Variants in LPA observed in about 807,000 individuals in gnomAD.
LPA encodes the protein apolipoprotein(a).
A neutral mutation model predicts 197.9 loss-of-function variants in LPA; 199 were observed. The ratio of observed to expected loss-of-function variants is 1.01; its 90% confidence interval spans 0.90 to 1.13. LPA has a LOEUF of 1.13. LPA is among the 50% of genes most tolerant of loss of function. LPA has a pLI of 0.00. For synonymous variants in LPA, 715 were observed against 639.5 expected (o/e 1.12, Z -1.78); for missense variants, 1,853 against 1,785.8 (o/e 1.04, Z -0.68).
intron 30 of LPA, among the ~76,000 whole-genome samples, chr6:160,549,379 G>C (rs189795087): frequency 6.6e-6 from 1 of 152,114 alleles, no homozygotes; most frequent in Admixed American, 6.5e-5. Flanking sequence ...TAGAGGAACC[G>C]GTATACGGAT....
intron 24 of LPA, among the ~76,000 whole-genome samples, chr6:160,587,597 T>C (rs978795622): frequency 1.2e-4 from 19 of 152,190 alleles, no homozygotes; most frequent in African/African-American, 4.3e-4. Context: ...TTGTTTTCTG[T>C]ATATTTGGCG....
At chr6:160,605,696 T>A (rs1335543453) in intron 17 of LPA, among the ~76,000 whole-genome samples, 1 of 152,098 alleles carries the variant, frequency 6.6e-6, no homozygotes, top group African/African-American at 2.4e-5. Context: ...GTCTTCAGCT[T>A]CTGGGCCATG....
intron 18 of LPA, 41 bp from the exon 19 acceptor site, chr6:160,601,139 C>A: frequency 1.3e-6 from 2 of 1,582,072 alleles, no homozygotes; most frequent in Non-Finnish European, 1.7e-6. Context: ...AAAATGGGTA[C>A]ATATGCAGGA....
At chr6:160,658,212 T>C (rs1489859116) in intron 1 of LPA, among the ~76,000 whole-genome samples, 1 of 152,200 alleles carries the variant, frequency 6.6e-6, no homozygotes, top group Non-Finnish European at 1.5e-5. Context: ...CTCAGTGTCC[T>C]CAGCTTCATC....
chr6:160,551,099 T>C (rs957836463), intron 30 of LPA, among the ~76,000 whole-genome samples: 11 of 152,222 alleles, frequency 7.2e-5, no homozygotes, highest in African/African-American at 2.2e-4. Context: ...TTTATTGAAC[T>C]TTTGGAGAAA....
chr6:160,595,774 A>G (rs1779121118), intron 20 of LPA, among the ~76,000 whole-genome samples: 1 of 152,232 alleles, frequency 6.6e-6, no homozygotes, highest in African/African-American at 2.4e-5. Context: ...GAAAATTGAG[A>G]GTAAACATCA....
intron 2 of LPA, among the ~76,000 whole-genome samples, chr6:160,647,540 C>A (rs976338282): frequency 6.6e-6 from 1 of 152,190 alleles, no homozygotes; most frequent in African/African-American, 2.4e-5. Context: ...AGAGCCAGAG[C>A]TCTTTAAAGA....
At chr6:160,540,505 C>T (rs1261724210) in intron 35 of LPA, among the ~76,000 whole-genome samples, 1 of 152,140 alleles carries the variant, frequency 6.6e-6, no homozygotes, top group Non-Finnish European at 1.5e-5. Context: ...TGGCTTGGGC[C>T]ACATCTTCAT....
chr6:160,647,053 C>A (rs764499485), intron 2 of LPA, among the ~76,000 whole-genome samples: 7 of 152,186 alleles, frequency 4.6e-5, no homozygotes, highest in Non-Finnish European at 1.0e-4. Context: ...CAAAGCTGCC[C>A]TGGAAAACTT....
chr6:160,576,353 T>TAC (rs1778662978), intron 28 of LPA, among the ~76,000 whole-genome samples: 1 of 38,774 alleles, frequency 2.6e-5, no homozygotes, highest in African/African-American at 1.5e-4. Flanking sequence ...TATATATATA[T>TAC]ATATATATAT....
intron 19 of LPA, among the ~76,000 whole-genome samples, chr6:160,600,648 T>C (rs1473103986): frequency 6.6e-6 from 1 of 152,006 alleles, no homozygotes; most frequent in Non-Finnish European, 1.5e-5. Flanking sequence ...TCTAGGACAA[T>C]GAGATAGCCC....
rs761118079 is a variant in LPA, at chr6:160,595,397, G to A, written c.3426C>T (p.Leu1142=). ...LVTESSVLAT[L]TVVPDPSTEA... Reference sequence around the variant, plus strand: ...CTGTGCTTGGATCTGGGACCACCGTGAGAGTTGCAAGGACACTTGATTCTG... The same window carrying A: ...CTGTGCTTGGATCTGGGACCACCGTAAGAGTTGCAAGGACACTTGATTCTG... The change falls in exon 21 of 39, where the codon CTC becomes CTT. Residue 1142 remains leucine, a synonymous_variant. Transcript: ENST00000316300. 1.9e-6 allele frequency: 3 copies of A among 1,613,776 alleles called. No individual in the cohort carries two copies. The highest frequency in any genetic ancestry group is 2.5e-6 in the Non-Finnish European group (3 of 1,179,936).
At chr6:160,593,853 A>T in intron 22 of LPA, 105 bp downstream of exon 22, 1 of 1,391,740 alleles carries the variant, frequency 7.2e-7, no homozygotes, top group Admixed American at 1.7e-5. Context: ...CCAACATTCC[A>T]GATCTGAGAT....
chr6:160,557,446 A>T lies in LPA; in HGVS notation c.4757T>A (p.Val1586Asp). Residue 1586 changes from valine (V) to aspartate (D), a missense_variant, in exon 29 of 39, where the codon GTC (valine) becomes GAC (aspartate). By Grantham distance (152) the Val-to-Asp change is radical. Around this residue, in one of 3 missense-constraint regions of LPA, gnomAD observed 1,737 missense variants for 1,504.4 expected, o/e 1.15. Transcript: ENST00000316300. ...TGGAACAACAGTGGGAGTCTCTAGG[A>T]CACCTGATTCTGTTTCTGAGCATTG... The part of the protein sequence containing the change: ...LTQCSETESG[V>D]LETPTVVPVP... 1 of 1,614,096 alleles carries T rather than the reference A, an allele frequency of 6.2e-7. No individual in the cohort carries two copies. Among genetic ancestry groups the T allele is most frequent in the Non-Finnish European group, 8.5e-7 (1 of 1,180,006 alleles).
intron 14 of LPA, among the ~76,000 whole-genome samples, chr6:160,615,352 TTGTG>T (rs370743567): frequency 3.3e-5 from 4 of 122,310 alleles, no homozygotes; most frequent in South Asian, 2.7e-4. Flanking sequence ...TGTTTTCAGT[TTGTG>T]TGTGTGTGTG....
intron 28 of LPA, among the ~76,000 whole-genome samples, chr6:160,571,164 T>C (rs1047215986): frequency 6.6e-6 from 1 of 152,224 alleles, no homozygotes; most frequent in African/African-American, 2.4e-5. Context: ...GATTTTGCTA[T>C]TGATACTTGT....
chr6:160,549,430 C>T (rs758856941), intron 30 of LPA, among the ~76,000 whole-genome samples: 1 of 152,114 alleles, frequency 6.6e-6, no homozygotes, highest in Non-Finnish European at 1.5e-5. Flanking sequence ...TATACAAATG[C>T]GTCTATACCT....
chr6:160,608,520 T>C (rs549689307), intron 16 of LPA, among the ~76,000 whole-genome samples: 2 of 152,334 alleles, frequency 1.3e-5, no homozygotes, highest in Admixed American at 6.5e-5. Context: ...AAGAAGTTTC[T>C]TGTTATTATA....
At chr6:160,573,082 G>T (rs1242259835) in intron 28 of LPA, among the ~76,000 whole-genome samples, 2 of 151,836 alleles carry the variant, frequency 1.3e-5, no homozygotes, top group African/African-American at 4.8e-5. Flanking sequence ...TCTTATATTT[G>T]GTCATTTAAC....
Sources: allele counts gnomAD v4.1 joint callset (sites outside exome capture counted in the v4.1 genomes callset), GRCh38; gene constraint gnomAD v4.1.1; regional missense constraint gnomAD v4.1.1; transcripts MANE v1.5; gene names NCBI Gene and HGNC (gene_info 2026-07-23, HGNC 2026-07-21).